Variants in MPPED1 observed in about 807,000 individuals in gnomAD.
MPPED1 encodes the protein metallophosphoesterase domain containing 1.
In MPPED1, 16 loss-of-function variants were observed where a neutral mutation model predicts 36.2. The ratio of observed to expected loss-of-function variants is 0.44; its 90% CI spans 0.30 to 0.67. The LOEUF is 0.67. Among genes scored for constraint, MPPED1 ranks in the 30% least tolerant of loss-of-function variants. MPPED1 has a pLI of 0.10. For synonymous variants in MPPED1, 199 were observed against 191.3 expected, an observed-to-expected ratio of 1.04 and a Z score of -0.33; for missense variants, 307 against 453.4, an observed-to-expected ratio of 0.68 and a Z score of 2.93.
At chr22:43,453,243 C>T (rs1406715629) in intron 3 of MPPED1, among the ~76,000 whole-genome samples, 2 of 152,142 alleles carry the variant, frequency 1.3e-5, no homozygotes, top group East Asian at 3.9e-4. Flanking sequence ...AGCCACTGTG[C>T]CCGGCCAGTC....
At chr22:43,446,575 G>A (rs6003203) in intron 3 of MPPED1, among the ~76,000 whole-genome samples, 8,805 of 152,170 alleles carry the variant, frequency 0.058, 664 homozygotes, top group African/African-American at 0.18. Flanking sequence ...GGAACCCCAC[G>A]GAGAGTCTGA....
chr22:43,438,353 G>A (rs991000858), intron 3 of MPPED1, among the ~76,000 whole-genome samples: 2 of 152,254 alleles, frequency 1.3e-5, no homozygotes, highest in Admixed American at 6.5e-5. Context: ...CAGAGGACGC[G>A]GAGGCTGCAG....
At chr22:43,490,877 G>T (rs1030187016) in intron 4 of MPPED1, among the ~76,000 whole-genome samples, 1 of 152,156 alleles carries the variant, frequency 6.6e-6, no homozygotes, top group Non-Finnish European at 1.5e-5. Context: ...CTGGGACCGC[G>T]GCATCAGAAA....
At chr22:43,432,307 G>C (rs1488542104) in intron 2 of MPPED1, among the ~76,000 whole-genome samples, 1 of 146,508 alleles carries the variant, frequency 6.8e-6, no homozygotes, top group African/African-American at 2.5e-5. Flanking sequence ...GAGGGAAAGA[G>C]AGAGAGAGAA....
At chr22:43,471,522 G>T (rs1304555204) in intron 3 of MPPED1, among the ~76,000 whole-genome samples, 2 of 152,222 alleles carry the variant, frequency 1.3e-5, no homozygotes, top group East Asian at 3.9e-4. Context: ...GCTGCAAAGA[G>T]GAGATAATAA....
At chr22:43,449,631 C>A (rs1461696540) in intron 3 of MPPED1, among the ~76,000 whole-genome samples, 2 of 152,112 alleles carry the variant, frequency 1.3e-5, no homozygotes, top group South Asian at 2.1e-4. Flanking sequence ...TGCCACCCAG[C>A]GAGGGAGGGA....
At chr22:43,497,835 G>T (rs1186646762) in intron 4 of MPPED1, among the ~76,000 whole-genome samples, 1 of 150,412 alleles carries the variant, frequency 6.6e-6, no homozygotes, top group East Asian at 1.9e-4. Context: ...TGGGGGTGGG[G>T]GTGGGAGTAT....
At chr22:43,464,291 C>CTGTG (rs60119589) in intron 3 of MPPED1, among the ~76,000 whole-genome samples, 6,595 of 143,754 alleles carry the variant, frequency 0.046, 173 homozygotes, top group African/African-American at 0.068. Flanking sequence ...TTGGTCAGCT[C>CTGTG]TGTGTGTGTG....
At chr22:43,488,250 C>G (rs1931974717) in intron 4 of MPPED1, among the ~76,000 whole-genome samples, 1 of 151,630 alleles carries the variant, frequency 6.6e-6, no homozygotes. Flanking sequence ...TTCCCAGGGC[C>G]CCCCAAGGCC....
chr22:43,455,224 C>T (rs1341513118), intron 3 of MPPED1, among the ~76,000 whole-genome samples: 1 of 151,646 alleles, frequency 6.6e-6, no homozygotes, highest in Non-Finnish European at 1.5e-5. Context: ...ATTCTTCCTC[C>T]TCAGCCTCCA....
intron 3 of MPPED1, among the ~76,000 whole-genome samples, chr22:43,443,349 C>T (rs943401987): frequency 2.6e-5 from 4 of 152,092 alleles, no homozygotes; most frequent in Non-Finnish European, 4.4e-5. Context: ...TCTGAAGGAC[C>T]CTTCTGGGTG....
In MPPED1 at chr22:43,468,699, G is replaced by A. The variant is rs143910133; in HGVS notation, c.407-6037G>A. ...TCTGATTCATGACTGTGTCCCCAGC[G>A]GAGCCTCGCCAGGGTCTGGAACACG... is the stretch of plus-strand genomic sequence containing the variant. On this transcript the variant is annotated intron_variant, in intron 3 of 6. Coordinates refer to ENST00000443721, the MANE Select transcript of MPPED1 (RefSeq NM_001044370.2). 2.4e-4 allele frequency among the ~76,000 whole-genome samples: 36 copies of A among 152,204 alleles called. No individual in the cohort carries two copies. The East Asian group carries it at 6.6e-3, about 28-fold the overall frequency.
At chr22:43,457,752 C>G (rs1930805127) in intron 3 of MPPED1, among the ~76,000 whole-genome samples, 1 of 152,020 alleles carries the variant, frequency 6.6e-6, no homozygotes, top group Non-Finnish European at 1.5e-5. Flanking sequence ...TTAATAGCAA[C>G]CTAATTTCAT....
chr22:43,431,056 TTTTTA>T (rs1929667254), intron 2 of MPPED1, among the ~76,000 whole-genome samples: 1 of 85,998 alleles, frequency 1.2e-5, no homozygotes, highest in Non-Finnish European at 2.2e-5. Context: ...TTTTTTTTTT[TTTTTA>T]GACAGAGTCT....
chr22:43,470,285 ACCATCCATTCAT>A (rs934323513), intron 3 of MPPED1, among the ~76,000 whole-genome samples: 1 of 144,558 alleles, frequency 6.9e-6, no homozygotes, highest in Non-Finnish European at 1.5e-5. Context: ...CTATCTATAA[ACCATCCATTCAT>A]CCATCCATTC....
At chr22:43,446,758 G>C (rs761088648) in intron 3 of MPPED1, among the ~76,000 whole-genome samples, 2 of 152,138 alleles carry the variant, frequency 1.3e-5, no homozygotes, top group South Asian at 4.1e-4. Flanking sequence ...AACCTAGGGC[G>C]CAAGGCTGAA....
At position 43,503,413 on chromosome 22, in the gene MPPED1, G is replaced by GA. The variant is rs1159559056; in HGVS notation, c.862+658dup. Among the ~76,000 whole-genome samples, 3 of 152,314 alleles carry GA rather than the reference G, an allele frequency of 2.0e-5. No homozygotes were observed. The East Asian group carries it at 5.8e-4, about 29-fold the overall frequency. The stretch of plus-strand genomic sequence containing the variant: ...GGCCTCTCTGTCACATCCCTGCCAG[G>GA]AAGCATATTGGCTGCTGTGGGATGT... On this transcript the variant is annotated intron_variant, in intron 6 of 6. Transcript: ENST00000443721.
chr22:43,427,807 G>C (rs990672946), intron 2 of MPPED1, among the ~76,000 whole-genome samples: 1 of 152,028 alleles, frequency 6.6e-6, no homozygotes, highest in African/African-American at 2.4e-5. Context: ...CCCTTGCCGT[G>C]CCGCCCTCCT....
chr22:43,436,108 CT>C (rs1049905627), intron 3 of MPPED1, among the ~76,000 whole-genome samples: 13 of 152,186 alleles, frequency 8.5e-5, no homozygotes, highest in African/African-American at 2.9e-4. Flanking sequence ...TGTCTTTGTG[CT>C]TTTTTTCAAA....
Sources: gnomAD v4.1 joint callset for allele counts (sites outside exome capture counted in the v4.1 genomes callset) on GRCh38, gnomAD v4.1.1 for gene constraint, MANE v1.5 for transcripts, NCBI Gene and HGNC (gene_info 2026-07-23, HGNC 2026-07-21) for gene names.